The following PGM3 variants were observed in gnomAD, a reference collection of about 807,000 sequenced individuals.
PGM3 encodes phosphoacetylglucosamine mutase.
In PGM3, 40 loss-of-function variants were observed where a neutral mutation model predicts 66.2. That is an observed-to-expected ratio of 0.60 (90% confidence interval 0.47 to 0.79). The LOEUF is 0.79. Among genes scored for constraint, PGM3 ranks in the 30% least tolerant of loss-of-function variants. The pLI, the probability that PGM3 is intolerant of heterozygous loss-of-function variation, is 0.00. For synonymous variants in PGM3, 191 were observed against 224.2 expected, an observed-to-expected ratio of 0.85 and a Z score of 1.32; for missense variants, 537 against 643.4, an observed-to-expected ratio of 0.83 and a Z score of 1.79.
the PGM3 span, among the ~76,000 whole-genome samples, chr6:83,152,620 C>CT: frequency 0.094 from 12,593 of 133,796 alleles, 723 homozygotes; most frequent in East Asian, 0.16. Context: ...TTTTCTTTTT[C>CT]TTTTTTTTTT....
At chr6:83,176,211 G>A (rs1011056913) in intron 8 of PGM3, 151 bp from the exon 9 acceptor site, 22 of 556,830 alleles carry the variant, frequency 4.0e-5, no homozygotes, top group East Asian at 1.1e-4. Context: ...AAAATGGTAC[G>A]TATACAATGG....
rs1416114507 is a variant in PGM3 at position 83,190,824 on chromosome 6, C to T, written c.189G>A (p.Ala63=). ...TKSTIGVMVT[A]SHNPEEDNGV... is the part of the protein sequence containing the mutation. ...AACCCATTACCTCAGGATTGTGGGA[C>T]GCTGTTACCATGACTCCTATAGTGG... Residue 63 remains alanine (A), a synonymous_variant, in exon 2 of 13, where the codon GCG becomes GCA. Coordinates refer to ENST00000513973, the MANE Select transcript of PGM3 (RefSeq NM_015599.3). 8 of 1,613,512 alleles carry T rather than the reference C, an allele frequency of 5.0e-6. No homozygotes were observed. The highest frequency in any genetic ancestry group is 5.9e-6 in the Non-Finnish European group (7 of 1,179,456).
the PGM3 span, among the ~76,000 whole-genome samples, chr6:83,155,256 G>A: frequency 6.8e-6 from 1 of 147,664 alleles, no homozygotes; most frequent in Non-Finnish European, 1.5e-5. Context: ...GAGGCCAGGA[G>A]TTTGAGACTA....
chr6:83,169,197 T>TA lies in PGM3; in HGVS notation c.*36dup, dbSNP rs766240345. 2.5e-6 allele frequency: 4 copies of TA among 1,612,102 alleles called. No homozygotes were observed. The South Asian group carries it at 4.4e-5, about 18-fold the overall frequency. On this transcript the variant is annotated 3_prime_UTR_variant, in exon 13 of 13. Transcript: ENST00000513973. ...TTATTGACAGTTTTGTAAAGACTTG[T>TA]AAAAAGTCCAGTTTCTCAGGAATAT...
In PGM3 at chr6:83,169,315, T is replaced by C. The variant is rs763498324; in HGVS notation, c.1548A>G (p.Ala516=). Residue 516 remains alanine, a synonymous_variant, in exon 13 of 13, where the codon GCA becomes GCG. Coordinates refer to ENST00000513973, the MANE Select transcript of PGM3 (RefSeq NM_015599.3). ...VYAEADSQES[A]DHLAHEVSLA... is the part of the protein sequence containing the mutation. ...AGCTCACTTCATGTGCAAGGTGATC[T>C]GCACTTTCCTGCAAATTACATTAAA... 2 of 1,613,570 alleles carry C rather than the reference T, an allele frequency of 1.2e-6. No homozygotes were observed. Among genetic ancestry groups the C allele is most frequent in the Non-Finnish European group, 1.7e-6 (2 of 1,179,518 alleles).
chr6:83,172,020 C>T lies in PGM3; in HGVS notation c.1282G>A (p.Ala428Thr). Residue 428 changes from alanine (A) to threonine (T), a missense_variant, in exon 11 of 13, where the codon GCA (alanine) becomes ACA (threonine). Coordinates refer to ENST00000513973, the MANE Select transcript of PGM3 (RefSeq NM_015599.3). ...GTCAAGCCCTTCAGAGCCAAGATTG[C>T]TTCAATCACCAGCATGTCAGAAATA... ...DAISDMLVIE[A>T]ILALKGLTVQ... 6.2e-7 allele frequency: 1 copy of T among 1,613,682 alleles called. No homozygotes were observed. The highest frequency in any genetic ancestry group is 1.1e-5 in the South Asian group (1 of 91,080).
At chr6:83,162,766 C>T, downstream of PGM3, 1 of 1,590,964 alleles carries the variant, frequency 6.3e-7, no homozygotes, top group Non-Finnish European at 8.6e-7. Flanking sequence ...CTTACTGATG[C>T]TGATGTCATT....
At chr6:83,186,900 T>A in intron 4 of PGM3, 108 bp downstream of exon 4, 1 of 589,148 alleles carries the variant, frequency 1.7e-6, no homozygotes, top group Non-Finnish European at 3.0e-6. Flanking sequence ...TTTTAAACAT[T>A]TTTTGTTCAT....
At chr6:83,174,011 C>T (rs1013609935) in intron 10 of PGM3, among the ~76,000 whole-genome samples, 2 of 152,102 alleles carry the variant, frequency 1.3e-5, no homozygotes, top group African/African-American at 4.8e-5. Context: ...GCTGGGATTA[C>T]AGGCATGAGC....
the PGM3 span, chr6:83,153,544 A>G: frequency 1.2e-6 from 2 of 1,608,876 alleles, no homozygotes; most frequent in Non-Finnish European, 8.5e-7. Context: ...GGTTTTCTAT[A>G]GTGATGAAAA....
the PGM3 span, chr6:83,154,266 A>C: frequency 1.1e-5 from 18 of 1,601,100 alleles, no homozygotes; most frequent in Non-Finnish European, 1.5e-5. Flanking sequence ...ATGACAATCC[A>C]AGTTCTTTCC....
At chr6:83,172,141 C>G in intron 10 of PGM3, 82 bp from the exon 11 acceptor site, 2 of 1,413,926 alleles carry the variant, frequency 1.4e-6, no homozygotes, top group Non-Finnish European at 2.0e-6. Context: ...GAAAACCAAT[C>G]ACAGTACAGG....
chr6:83,167,105 A>G lies in PGM3; in HGVS notation c.*2129T>C, dbSNP rs935890605. ...AATTATTAGTCTTTATATTTAGTTG[A>G]CAGAGTTTTCACATACCTTCTCATT... On this transcript the variant is annotated 3_prime_UTR_variant, in exon 13 of 13. Transcript: ENST00000513973. 1.1e-5 allele frequency: 11 copies of G among 980,962 alleles called. No individual in the cohort carries two copies. The African/African-American group carries it at 1.8e-4, about 16-fold the overall frequency. 60.8% of individuals were successfully genotyped at this position (980,962 alleles called of 1,614,324 possible).
In PGM3 at chr6:83,169,059, T is replaced by C. The variant is rs890536315; in HGVS notation, c.*175A>G. 2 of 1,413,258 alleles carry C rather than the reference T, an allele frequency of 1.4e-6. No homozygotes were observed. The highest frequency in any genetic ancestry group is 2.9e-5 in the African/African-American group (2 of 69,306). 87.5% of individuals were successfully genotyped at this position (1,413,258 alleles called of 1,614,324 possible). A position where few individuals can be genotyped will look rare whatever the true frequency, so the allele number is the denominator to read the frequency against. ...TAAATTTCTTTAACAAGTGTAAGGC[T>C]TACCTATTTATAAAGAATTATTCTG... is the stretch of plus-strand genomic sequence containing the variant. On this transcript the variant is annotated 3_prime_UTR_variant, in exon 13 of 13. Coordinates refer to ENST00000513973, the MANE Select transcript of PGM3 (RefSeq NM_015599.3).
At chr6:83,156,212 A>G (rs1782751802), downstream of PGM3, 5 of 804,048 alleles carry the variant, frequency 6.2e-6, no homozygotes, top group Admixed American at 3.6e-5. Context: ...GTGTAGATCA[A>G]TCGGGAATTA....
intron 2 of PGM3, 94 bp downstream of exon 2, chr6:83,190,715 G>T: frequency 1.0e-6 from 1 of 989,414 alleles, no homozygotes; most frequent in Non-Finnish European, 1.6e-6. Flanking sequence ...CACATTCCTA[G>T]AATTAGAATT....
chr6:83,164,793 A>G (rs144429027), downstream of PGM3: 581 of 1,256,892 alleles, frequency 4.6e-4, 2 homozygotes, highest in African/African-American at 7.7e-3. Flanking sequence ...CCCAGGTCTG[A>G]ATGTCAACAA....
chr6:83,167,681 C>G lies in PGM3; in HGVS notation c.*1553G>C. 1 of 1,377,108 alleles carries G rather than the reference C, an allele frequency of 7.3e-7. No homozygotes were observed. Among genetic ancestry groups the G allele is most frequent in the Non-Finnish European group, 9.3e-7 (1 of 1,070,006 alleles). The allele number at this position is 1,377,108 out of a possible 1,614,324, so 85.3% of individuals were successfully genotyped here. A position where few individuals can be genotyped will look rare whatever the true frequency, so the allele number is the denominator to read the frequency against. On this transcript the variant is annotated 3_prime_UTR_variant, in exon 13 of 13. Transcript: ENST00000513973. ...CAATGTTAGACTGCTCCATGTAAAA[C>G]TAATAAATGGCAGTAAAAGGTCTCA... is the stretch of plus-strand genomic sequence containing the variant.
At chr6:83,159,131 C>T (rs1262322599), downstream of PGM3, among the ~76,000 whole-genome samples, 3 of 152,128 alleles carry the variant, frequency 2.0e-5, no homozygotes. Flanking sequence ...ATATTTTCTT[C>T]TTCAGTAGTA....
Sources: gnomAD v4.1 joint callset for allele counts (sites outside exome capture counted in the v4.1 genomes callset) on GRCh38, gnomAD v4.1.1 for gene constraint, MANE v1.5 for transcripts, NCBI Gene and HGNC (gene_info 2026-07-23, HGNC 2026-07-21) for gene names.